NPAS3: variants seen among roughly 807,000 people sequenced by gnomAD.
NPAS3 encodes the protein neuronal PAS domain-containing protein 3.
In NPAS3, 14 loss-of-function variants were observed where a neutral mutation model predicts 73.1. That is an observed-to-expected ratio of 0.19 (90% CI 0.13 to 0.30). NPAS3 has a LOEUF of 0.30. NPAS3 is among the 10% of genes least tolerant of loss of function. The probability of loss-of-function intolerance (pLI) is 1.00; values close to 1 mark genes in which losing one functional copy is unlikely to be tolerated. For missense variants in NPAS3, 1,096 were observed against 1,250.0 expected (o/e 0.88, Z 1.86); for synonymous variants, 620 against 541.5 (o/e 1.14, Z -2.01).
chr14:33,773,367 C>CA (rs1183322112), intron 7 of NPAS3, among the ~76,000 whole-genome samples: 1 of 152,190 alleles, frequency 6.6e-6, no homozygotes, highest in Non-Finnish European at 1.5e-5. Context: ...CACACTATAG[C>CA]AGAGTCGTGG....
chr14:33,160,744 TTG>T (rs1376504120), intron 2 of NPAS3, among the ~76,000 whole-genome samples: 21 of 150,664 alleles, frequency 1.4e-4, no homozygotes, highest in Non-Finnish European at 1.3e-4. Context: ...TACTTTTTTT[TTG>T]TTTTAAGTCA....
At chr14:33,111,181 C>A (rs895491278) in intron 2 of NPAS3, among the ~76,000 whole-genome samples, 2 of 152,202 alleles carry the variant, frequency 1.3e-5, no homozygotes, top group African/African-American at 4.8e-5. Flanking sequence ...CTGAGCCAGG[C>A]AGAAAGCCTG....
At chr14:33,434,923 A>G (rs2048924797) in intron 4 of NPAS3, among the ~76,000 whole-genome samples, 1 of 152,172 alleles carries the variant, frequency 6.6e-6, no homozygotes, top group Non-Finnish European at 1.5e-5. Context: ...CAAAGAGTTC[A>G]GTAATTTTGA....
chr14:33,710,307 G>A (rs1230972557), intron 6 of NPAS3, among the ~76,000 whole-genome samples: 2 of 152,198 alleles, frequency 1.3e-5, no homozygotes, highest in African/African-American at 4.8e-5. Flanking sequence ...TGAGGGTAAA[G>A]AGTTTGTATC....
At chr14:33,208,468 G>A (rs1022180999) in intron 2 of NPAS3, among the ~76,000 whole-genome samples, 3 of 152,122 alleles carry the variant, frequency 2.0e-5, no homozygotes, top group Admixed American at 2.0e-4. Context: ...TCAGTTGAAT[G>A]GCTTTAATTA....
chr14:33,550,828 G>T (rs1423076201), intron 4 of NPAS3, among the ~76,000 whole-genome samples: 2 of 152,114 alleles, frequency 1.3e-5, no homozygotes, highest in Non-Finnish European at 2.9e-5. Flanking sequence ...TAAGCGTCTG[G>T]AATTCACAGA....
chr14:33,544,395 T>A (rs1013595915), intron 4 of NPAS3, among the ~76,000 whole-genome samples: 1 of 152,136 alleles, frequency 6.6e-6, no homozygotes, highest in Non-Finnish European at 1.5e-5. Flanking sequence ...TAAGCCCAAA[T>A]TCCCAATGTG....
chr14:32,954,631 C>T (rs1011588672), intron 1 of NPAS3, among the ~76,000 whole-genome samples: 2 of 152,074 alleles, frequency 1.3e-5, no homozygotes, highest in Non-Finnish European at 2.9e-5. Flanking sequence ...TTTTCTCTTC[C>T]CTATACCCTT....
chr14:33,441,095 G>A (rs1223353179), intron 4 of NPAS3, among the ~76,000 whole-genome samples: 3 of 152,178 alleles, frequency 2.0e-5, no homozygotes, highest in African/African-American at 4.8e-5. Flanking sequence ...CTGTGATTCT[G>A]TAACTTCAAT....
intron 2 of NPAS3, among the ~76,000 whole-genome samples, chr14:33,122,506 C>T (rs1368761718): frequency 6.6e-6 from 1 of 152,044 alleles, no homozygotes; most frequent in East Asian, 1.9e-4. Context: ...TGATATTTTG[C>T]CAAACAAAGA....
chr14:33,469,129 T>A (rs1442249222), intron 4 of NPAS3, among the ~76,000 whole-genome samples: 1 of 152,148 alleles, frequency 6.6e-6, no homozygotes, highest in Admixed American at 6.5e-5. Context: ...TTGGGAAGCA[T>A]CAGTCCCTTT....
intron 1 of NPAS3, among the ~76,000 whole-genome samples, chr14:33,047,058 G>A (rs1035051469): frequency 2.6e-5 from 4 of 152,102 alleles, no homozygotes; most frequent in Admixed American, 2.0e-4. Context: ...CCTTGGGTTT[G>A]GAACTAAGAT....
chr14:33,299,322 A>G (rs971795488), intron 3 of NPAS3, among the ~76,000 whole-genome samples: 7 of 152,140 alleles, frequency 4.6e-5, no homozygotes, highest in African/African-American at 1.7e-4. Flanking sequence ...GGAGTTCTGG[A>G]TGTCGCTGGC....
chr14:33,344,518 A>G (rs2044637607), intron 3 of NPAS3, among the ~76,000 whole-genome samples: 1 of 152,190 alleles, frequency 6.6e-6, no homozygotes, highest in South Asian at 2.1e-4. Flanking sequence ...TTTATTCCTA[A>G]TCATTTCCTT....
At chr14:33,684,248 C>G (rs1427493988) in intron 6 of NPAS3, among the ~76,000 whole-genome samples, 5 of 149,626 alleles carry the variant, frequency 3.3e-5, no homozygotes, top group Non-Finnish European at 7.4e-5. Context: ...TTAACATAGT[C>G]TCTTACTTAG....
At chr14:33,566,670 A>G (rs1406957256) in intron 5 of NPAS3, among the ~76,000 whole-genome samples, 1 of 152,168 alleles carries the variant, frequency 6.6e-6, no homozygotes, top group Non-Finnish European at 1.5e-5. Flanking sequence ...ATGCATCGCC[A>G]CCTTGAGCAG....
At chr14:33,131,676 T>C (rs2043640259) in intron 2 of NPAS3, among the ~76,000 whole-genome samples, 1 of 152,172 alleles carries the variant, frequency 6.6e-6, no homozygotes, top group Non-Finnish European at 1.5e-5. Flanking sequence ...CTCGTATGTG[T>C]GCATGTTTGC....
chr14:33,233,655 T>G (rs1566706554), intron 3 of NPAS3, among the ~76,000 whole-genome samples: 1 of 152,126 alleles, frequency 6.6e-6, no homozygotes. Context: ...TAAAGCTAAT[T>G]TATGCTTATT....
intron 6 of NPAS3, among the ~76,000 whole-genome samples, chr14:33,692,518 C>A (rs952794844): frequency 6.6e-6 from 1 of 151,984 alleles, no homozygotes; most frequent in Non-Finnish European, 1.5e-5. Context: ...GCAAAGGGCA[C>A]TATAAAAGTA....
Sources: gnomAD v4.1 joint callset for allele counts (sites outside exome capture counted in the v4.1 genomes callset) on GRCh38, gnomAD v4.1.1 for gene constraint, MANE v1.5 for transcripts, NCBI Gene and HGNC (gene_info 2026-07-23, HGNC 2026-07-21) for gene names.